Variants in SIRT4 observed in about 807,000 individuals in gnomAD.
The protein encoded by SIRT4 is NAD-dependent protein lipoamidase sirtuin-4, mitochondrial.
In SIRT4, 23 loss-of-function variants were observed where a neutral mutation model predicts 26.1. That is an observed-to-expected ratio of 0.88 (90% CI 0.63 to 1.25). The LOEUF (loss-of-function observed/expected upper bound fraction) is 1.25. Ranked by LOEUF, SIRT4 falls within the 50% of genes most tolerant of loss-of-function variation. The pLI, the probability that SIRT4 is intolerant of heterozygous loss-of-function variation, is 0.00. For missense variants in SIRT4, 361 were observed against 405.4 expected (o/e 0.89, Z 0.94); for synonymous variants, 155 against 158.4 (o/e 0.98, Z 0.16).
upstream of SIRT4, among the ~76,000 whole-genome samples, chr12:120,299,693 G>A (rs867551403): frequency 4.6e-5 from 7 of 152,100 alleles, no homozygotes; most frequent in African/African-American, 1.2e-4. Context: ...GTGAGTGTAC[G>A]GCGCCTGCAA....
chr12:120,309,580 T>G (rs1429002285), intron 2 of SIRT4, among the ~76,000 whole-genome samples: 1 of 151,478 alleles, frequency 6.6e-6, no homozygotes, highest in Admixed American at 6.6e-5. Flanking sequence ...CCCGGCTAAT[T>G]TTTGTATTTT....
At chr12:120,293,070 C>G in the SIRT4 span, 3 of 110,698 alleles carry the variant, frequency 2.7e-5, no homozygotes, top group Non-Finnish European at 5.9e-5. Context: ...AAAAAAGCCT[C>G]TGTTGTTCAA....
chr12:120,306,160 G>A (rs935303447), intron 2 of SIRT4, among the ~76,000 whole-genome samples: 4 of 151,528 alleles, frequency 2.6e-5, no homozygotes, highest in South Asian at 2.1e-4. Flanking sequence ...GCCAGACTCC[G>A]TCTCTACAAA....
chr12:120,292,148 G>C, the SIRT4 span, among the ~76,000 whole-genome samples: 3 of 152,242 alleles, frequency 2.0e-5, no homozygotes, highest in African/African-American at 7.2e-5. Context: ...TGACGTCACA[G>C]AGATGACTCG....
chr12:120,310,782 C>T (rs11065078), intron 2 of SIRT4, among the ~76,000 whole-genome samples: 43,078 of 150,274 alleles, frequency 0.29, 7,346 homozygotes, highest in African/African-American at 0.48. Flanking sequence ...GTTGCCCAGG[C>T]TGGAGTGCAG....
chr12:120,300,270 T>C (rs1180713292), upstream of SIRT4, among the ~76,000 whole-genome samples: 2 of 150,288 alleles, frequency 1.3e-5, no homozygotes, highest in South Asian at 2.1e-4. Flanking sequence ...CCAGCCTGGG[T>C]GACAGAACGA....
At chr12:120,301,895 G>A (rs1290512143), upstream of SIRT4, among the ~76,000 whole-genome samples, 5 of 151,948 alleles carry the variant, frequency 3.3e-5, no homozygotes, top group African/African-American at 1.2e-4. Flanking sequence ...CCAACATGGC[G>A]AAACCCCCGT....
chr12:120,295,015 G>C, the SIRT4 span, among the ~76,000 whole-genome samples: 1 of 144,078 alleles, frequency 6.9e-6, no homozygotes, highest in African/African-American at 2.6e-5. Context: ...ATTTTTAGTA[G>C]AGACAGGGTT....
At chr12:120,300,535 T>C (rs535630317), upstream of SIRT4, among the ~76,000 whole-genome samples, 30 of 152,222 alleles carry the variant, frequency 2.0e-4, 1 homozygote, top group South Asian at 5.4e-3. Flanking sequence ...AGCCTCGATC[T>C]CCTGGGCTCA....
At position 120,312,471 on chromosome 12, in the gene SIRT4, T is replaced by G; in HGVS notation, c.513T>G (p.Asp171Glu). 6.2e-7 allele frequency: 1 copy of G among 1,612,412 alleles called. No individual in the cohort carries two copies. Among genetic ancestry groups the G allele is most frequent in the Non-Finnish European group, 8.5e-7 (1 of 1,179,158 alleles). Residue 171 changes from aspartate to glutamate, a missense_variant, in exon 3 of 4, where the codon GAT (aspartate) becomes GAG (glutamate). Asp to Glu is a conservative substitution (Grantham distance 45, BLOSUM62 2). Transcript: ENST00000202967. The part of the protein sequence containing the change: ...HGCMDRVLCL[D>E]CGEQTPRGVL... ...TTGGTTCCAGGGTCCTGTGCTTGGA[T>G]TGTGGGGAACAGACTCCCCGGGGGG... is the stretch of plus-strand genomic sequence containing the variant.
upstream of SIRT4, among the ~76,000 whole-genome samples, chr12:120,300,311 A>G (rs1463618218): frequency 1.3e-5 from 2 of 151,888 alleles, no homozygotes; most frequent in African/African-American, 4.8e-5. Flanking sequence ...AAAAAAAAAA[A>G]GCAGAAATGG....
chr12:120,296,832 A>T, the SIRT4 span, among the ~76,000 whole-genome samples: 24 of 152,176 alleles, frequency 1.6e-4, no homozygotes, highest in African/African-American at 5.3e-4. Flanking sequence ...CACAGCCTGG[A>T]TAAAAAGAAA....
chr12:120,312,605 A>G lies in SIRT4; in HGVS notation c.647A>G (p.Gln216Arg). ...FLSEEQVRSF[Q>R]VPTCVQCGGH... is the part of the protein sequence containing the mutation. ...TCAGAGGAGCAAGTCCGGAGCTTTCAGGTCCCAACCTGCGTTCAATGTGGA... is the reference window on the plus strand; with the variant it reads ...TCAGAGGAGCAAGTCCGGAGCTTTCGGGTCCCAACCTGCGTTCAATGTGGA... Residue 216 changes from glutamine to arginine, a missense_variant, in exon 3 of 4, where the codon CAG becomes CGG. Transcript: ENST00000202967. The G allele has an allele frequency of 1.9e-6, 3 of 1,614,178 alleles. No homozygotes were observed. Among genetic ancestry groups the G allele is most frequent in the Non-Finnish European group, 2.5e-6 (3 of 1,180,030 alleles).
upstream of SIRT4, among the ~76,000 whole-genome samples, chr12:120,297,339 AAAGAG>A (rs1285250595): frequency 1.2e-4 from 17 of 146,328 alleles, no homozygotes; most frequent in African/African-American, 4.3e-4. Flanking sequence ...AAAAAAAAAA[AAAGAG>A]AGAGAGAAAA....
chr12:120,304,829 ATATATATTTTTTTTTTTT>A (rs1215809835), intron 2 of SIRT4, among the ~76,000 whole-genome samples: 11 of 31,190 alleles, frequency 3.5e-4, no homozygotes, highest in Admixed American at 1.2e-3. Flanking sequence ...ATATATATAT[ATATATATTTTTTTTTTTT>A]TTTTTTTTTT....
chr12:120,306,118 G>A (rs1018079965), intron 2 of SIRT4, among the ~76,000 whole-genome samples: 3 of 152,000 alleles, frequency 2.0e-5, no homozygotes, highest in East Asian at 3.8e-4. Flanking sequence ...ATTACTTGAG[G>A]CCAGGAGATC....
the SIRT4 span, among the ~76,000 whole-genome samples, chr12:120,295,464 G>A: frequency 1.7e-5 from 2 of 115,502 alleles, no homozygotes; most frequent in African/African-American, 6.8e-5. Context: ...GTTTCTCCAT[G>A]TTGGTCAGGC....
At chr12:120,292,099 A>T in the SIRT4 span, among the ~76,000 whole-genome samples, 1 of 152,250 alleles carries the variant, frequency 6.6e-6, no homozygotes, top group African/African-American at 2.4e-5. Flanking sequence ...CCATAAGAAT[A>T]TTCGCTTGGG....
the SIRT4 span, chr12:120,291,878 C>G: frequency 6.6e-6 from 1 of 152,090 alleles, no homozygotes; most frequent in Non-Finnish European, 1.5e-5. Flanking sequence ...ACCTCATTGG[C>G]TACGATACTG....
Sources: allele counts gnomAD v4.1 joint callset (sites outside exome capture counted in the v4.1 genomes callset), GRCh38; gene constraint gnomAD v4.1.1; transcripts MANE v1.5; gene names NCBI Gene and HGNC (gene_info 2026-07-23, HGNC 2026-07-21).